GNB4: variants seen among roughly 807,000 people sequenced by gnomAD.
GNB4 encodes G protein subunit beta 4.
Under a neutral mutation model 45.2 loss-of-function variants are expected in GNB4, and 28 were observed. The ratio of observed to expected loss-of-function variants is 0.62; its 90% CI spans 0.46 to 0.85. The LOEUF (loss-of-function observed/expected upper bound fraction) is 0.85, where lower values mean the gene tolerates loss of function less well. Among genes scored for constraint, GNB4 ranks in the 40% least tolerant of loss-of-function variants. The pLI is 0.00. For synonymous variants in GNB4, 132 were observed against 143.7 expected (o/e 0.92, Z 0.58); for missense variants, 321 against 425.4 (o/e 0.75, Z 2.16).
the GNB4 span, among the ~76,000 whole-genome samples, chr3:179,499,013 A>G: frequency 6.6e-6 from 1 of 151,806 alleles, no homozygotes; most frequent in Middle Eastern, 3.4e-3. Context: ...GAGAATATGC[A>G]GTGTTTGGTT....
chr3:179,481,382 T>C, the GNB4 span, among the ~76,000 whole-genome samples: 1 of 151,596 alleles, frequency 6.6e-6, no homozygotes, highest in Non-Finnish European at 1.5e-5. Flanking sequence ...TGATCAGAGC[T>C]CACTTCAGCC....
intron 1 of GNB4, among the ~76,000 whole-genome samples, chr3:179,436,155 T>A (rs949397849): frequency 6.6e-6 from 1 of 152,290 alleles, no homozygotes; most frequent in East Asian, 1.9e-4. Flanking sequence ...TCCCAGCACT[T>A]TGGGAGGCCA....
chr3:179,428,750 C>T (rs1715219548), intron 1 of GNB4, among the ~76,000 whole-genome samples: 1 of 152,146 alleles, frequency 6.6e-6, no homozygotes, highest in South Asian at 2.1e-4. Context: ...GGACCAAAGG[C>T]ATGAGTCGCT....
the GNB4 span, among the ~76,000 whole-genome samples, chr3:179,468,035 A>AAAAAAAAAAAAATATATATATATATATAT: frequency 2.0e-4 from 18 of 89,868 alleles, no homozygotes; most frequent in African/African-American, 6.4e-4. Flanking sequence ...TGTTGATAAA[A>AAAAAAAAAAAAATATATATATATATATAT]ATATATATAT....
chr3:179,396,102 C>A lies in GNB4; in HGVS notation c.*5111G>T, dbSNP rs556780311. ...ATACAATGAAATCTGGTTAAAAGCA[C>A]TTTATTGATTACAGTATCAATTCAC... On this transcript the variant is annotated 3_prime_UTR_variant, in exon 10 of 10. Transcript: ENST00000232564. 6.6e-6 allele frequency: 1 copy of A among 151,538 alleles called. No individual in the cohort carries two copies. Among genetic ancestry groups the A allele is most frequent in the Non-Finnish European group, 1.5e-5 (1 of 67,960 alleles). The allele number at this position is 151,538 out of a possible 1,614,324, so 9.4% of individuals were successfully genotyped here.
At chr3:179,415,262 G>A (rs1056457357) in intron 5 of GNB4, among the ~76,000 whole-genome samples, 12 of 152,082 alleles carry the variant, frequency 7.9e-5, no homozygotes, top group African/African-American at 2.4e-4. Context: ...AATCATTTGA[G>A]TCAAAAAGTG....
At chr3:179,519,628 A>G in the GNB4 span, among the ~76,000 whole-genome samples, 1 of 152,074 alleles carries the variant, frequency 6.6e-6, no homozygotes, top group African/African-American at 2.4e-5. Flanking sequence ...AGGCCGAGAC[A>G]TTTTAACTAA....
At chr3:179,508,930 G>GTATATATATATATATATATATATATATA in the GNB4 span, among the ~76,000 whole-genome samples, 78 of 47,042 alleles carry the variant, frequency 1.7e-3, 1 homozygote, top group South Asian at 2.6e-3. Flanking sequence ...CTTTCAGCAT[G>GTATATATATATATATATATATATATATA]TGTATATATA....
chr3:179,441,877 G>C (rs541598510), intron 1 of GNB4, among the ~76,000 whole-genome samples: 1 of 151,914 alleles, frequency 6.6e-6, no homozygotes, highest in Admixed American at 6.6e-5. Flanking sequence ...ACACGATCTC[G>C]GCTCACTGCA....
the GNB4 span, among the ~76,000 whole-genome samples, chr3:179,488,235 C>A: frequency 3.3e-5 from 5 of 152,102 alleles, no homozygotes; most frequent in South Asian, 2.1e-4. Context: ...CATTTGTGAG[C>A]CTTTGAGTCC....
chr3:179,406,796 G>T (rs1436881450), intron 8 of GNB4, among the ~76,000 whole-genome samples: 1 of 151,872 alleles, frequency 6.6e-6, no homozygotes, highest in Non-Finnish European at 1.5e-5. Flanking sequence ...TGCATTTTTA[G>T]TAGAGACGGG....
the GNB4 span, among the ~76,000 whole-genome samples, chr3:179,478,844 T>C: frequency 0.027 from 4,183 of 152,300 alleles, 158 homozygotes; most frequent in African/African-American, 0.09. Flanking sequence ...ATCATCCTAG[T>C]GATGTTCTCA....
chr3:179,419,563 T>C, intron 3 of GNB4, 58 bp from the exon 4 acceptor site: 1 of 1,053,112 alleles, frequency 9.5e-7, no homozygotes, highest in Non-Finnish European at 1.5e-6. Context: ...TGAGATAACT[T>C]GAACTAGAAA....
At chr3:179,472,699 G>A in the GNB4 span, among the ~76,000 whole-genome samples, 3 of 152,014 alleles carry the variant, frequency 2.0e-5, no homozygotes, top group Admixed American at 1.3e-4. Context: ...AAAAGAAAAC[G>A]TTTAAGTAAC....
intron 8 of GNB4, 80 bp from the exon 9 acceptor site, chr3:179,405,486 G>C (rs1714442564): frequency 3.0e-6 from 3 of 992,822 alleles, no homozygotes; most frequent in Non-Finnish European, 4.4e-6. Context: ...GACAAATCTA[G>C]ATTAATATTC....
chr3:179,466,104 G>A, the GNB4 span, among the ~76,000 whole-genome samples: 3 of 150,094 alleles, frequency 2.0e-5, no homozygotes, highest in Admixed American at 1.3e-4. Flanking sequence ...TCTGCCTCTC[G>A]GGTTCGAACA....
intron 2 of GNB4, among the ~76,000 whole-genome samples, chr3:179,424,204 C>T (rs1046024516): frequency 1.3e-5 from 2 of 152,214 alleles, no homozygotes; most frequent in African/African-American, 4.8e-5. Flanking sequence ...ACACCATCGA[C>T]TTCACAGAGT....
rs116667063 is a variant in GNB4, at chr3:179,443,510, G to C, written c.-43+7836C>G. 6.7e-3 allele frequency among the ~76,000 whole-genome samples: 1,024 copies of C among 152,298 alleles called. 13 individuals are homozygous for C. Among genetic ancestry groups the C allele is most frequent in the African/African-American group, 0.023 (966 of 41,566 alleles). On this transcript the variant is annotated intron_variant, in intron 1 of 9. Transcript: ENST00000232564. ...GCCGAGATCTCACCACTGTACTCCA[G>C]CCTGGGTGACTGAGTGAGACGTCTC...
chr3:179,527,470 A>T, the GNB4 span, among the ~76,000 whole-genome samples: 1 of 152,200 alleles, frequency 6.6e-6, no homozygotes, highest in Non-Finnish European at 1.5e-5. Context: ...TTTATTTAGC[A>T]ATTTTACATG....
Sources: gnomAD v4.1 joint callset for allele counts (sites outside exome capture counted in the v4.1 genomes callset) on GRCh38, gnomAD v4.1.1 for gene constraint, MANE v1.5 for transcripts, NCBI Gene and HGNC (gene_info 2026-07-23, HGNC 2026-07-21) for gene names.